The following ZNF362 variants were observed in gnomAD, a reference collection of about 807,000 sequenced individuals.
ZNF362 encodes the protein rotund homolog.
In ZNF362, 11 loss-of-function variants were observed where a neutral mutation model predicts 42.9. The observed-to-expected ratio is 0.26, with a 90% confidence interval of 0.16 to 0.42. The LOEUF (loss-of-function observed/expected upper bound fraction) is 0.42, where lower values mean the gene tolerates loss of function less well. ZNF362 is among the 20% of genes least tolerant of loss of function. ZNF362 has a pLI of 1.00. For missense variants in ZNF362, 362 were observed against 576.2 expected (o/e 0.63, Z 3.81); for synonymous variants, 255 against 257.3 (o/e 0.99, Z 0.09).
At chr1:33,209,838 T>A in the ZNF362 span, among the ~76,000 whole-genome samples, 7 of 152,148 alleles carry the variant, frequency 4.6e-5, no homozygotes, top group African/African-American at 1.4e-4. Flanking sequence ...GTCTTGCTAG[T>A]GGTCTATGAA....
the ZNF362 span, among the ~76,000 whole-genome samples, chr1:33,177,171 T>C: frequency 6.6e-6 from 1 of 152,170 alleles, no homozygotes; most frequent in Non-Finnish European, 1.5e-5. This position sits in a 1 kb window ranked among gnomAD's most constrained non-coding sequence, Gnocchi z 4.1. Context: ...TAAAAATCCT[T>C]AGAACTGTAT....
chr1:33,158,394 T>C, the ZNF362 span: 7 of 1,601,112 alleles, frequency 4.4e-6, 1 homozygote, highest in South Asian at 7.7e-5. Context: ...GAAAGGGGGC[T>C]GCACCAGGGA....
At position 33,276,580 on chromosome 1, in the gene ZNF362, C is replaced by T. The variant is rs1645949288; in HGVS notation, c.335C>T (p.Thr112Ile). Residue 112 changes from threonine (T) to isoleucine (I), a missense_variant, in exon 4 of 9, where the codon ACC becomes ATC. By Grantham distance (89) the Thr-to-Ile change is moderately conservative (BLOSUM62 -1). Coordinates refer to ENST00000539719, the MANE Select transcript of ZNF362 (RefSeq NM_152493.3). ...GTGGCGCTGCACGCACGGCCGGCCA[C>T]CAGCACCGTCACAGGTAGGCCGAGC... ...PDVALHARPA[T>I]STVTGLGLST... The T allele has an allele frequency of 7.3e-7, 1 of 1,370,998 alleles. No homozygotes were observed. The highest frequency in any genetic ancestry group is 9.4e-7 in the Non-Finnish European group (1 of 1,068,480). The allele number at this position is 1,370,998 out of a possible 1,614,324, so 84.9% of individuals were successfully genotyped here. A position where few individuals can be genotyped will look rare whatever the true frequency, so the allele number is the denominator to read the frequency against.
At chr1:33,165,267 T>C in the ZNF362 span, 2 of 490,524 alleles carry the variant, frequency 4.1e-6, no homozygotes, top group Non-Finnish European at 7.3e-6. The surrounding 1 kb of genome is among the most constrained non-coding windows in gnomAD (Gnocchi z 4.0). Flanking sequence ...CCGCCAGTCA[T>C]GATGGGGTGG....
At chr1:33,133,389 T>C in the ZNF362 span, among the ~76,000 whole-genome samples, 1 of 152,254 alleles carries the variant, frequency 6.6e-6, no homozygotes, top group Non-Finnish European at 1.5e-5. Flanking sequence ...CCTGGGTGTT[T>C]TGCACAATAA....
the ZNF362 span, among the ~76,000 whole-genome samples, chr1:33,193,507 A>C: frequency 9.2e-5 from 14 of 152,228 alleles, no homozygotes; most frequent in Non-Finnish European, 2.9e-5. Flanking sequence ...TAGGAAAGAA[A>C]GTCAGAAGAT....
the ZNF362 span, among the ~76,000 whole-genome samples, chr1:33,223,591 ATC>A: frequency 6.6e-6 from 1 of 152,184 alleles, no homozygotes; most frequent in Non-Finnish European, 1.5e-5. Context: ...TAGATTAGCC[ATC>A]ATAAAGACTG....
the ZNF362 span, among the ~76,000 whole-genome samples, chr1:33,129,657 T>G: frequency 0.2 from 31,077 of 152,190 alleles, 3,874 homozygotes; most frequent in South Asian, 0.31. This position sits in a 1 kb window ranked among gnomAD's most constrained non-coding sequence, Gnocchi z 4.1. Context: ...AACCTGCTCC[T>G]TCCCTTCTCG....
the ZNF362 span, chr1:33,176,434 C>CTG: frequency 1.4e-6 from 1 of 698,134 alleles, no homozygotes; most frequent in African/African-American, 1.7e-5. Context: ...GGCTGATCCA[C>CTG]TGCTGTCTTC....
the ZNF362 span, among the ~76,000 whole-genome samples, chr1:33,234,242 C>G: frequency 2.0e-5 from 3 of 152,160 alleles, no homozygotes; most frequent in African/African-American, 2.4e-5. Flanking sequence ...GTTACTTCAC[C>G]TCCCTCTATC....
At chr1:33,192,659 G>A in the ZNF362 span, among the ~76,000 whole-genome samples, 1 of 152,096 alleles carries the variant, frequency 6.6e-6, no homozygotes, top group Non-Finnish European at 1.5e-5. Flanking sequence ...AGGGAACCAG[G>A]GTATTTATAT....
chr1:33,229,684 C>T, the ZNF362 span, among the ~76,000 whole-genome samples: 9 of 152,022 alleles, frequency 5.9e-5, 1 homozygote, highest in Non-Finnish European at 1.0e-4. Flanking sequence ...GGATTACAGG[C>T]GTGAACCACC....
the ZNF362 span, among the ~76,000 whole-genome samples, chr1:33,242,901 C>A: frequency 6.6e-6 from 1 of 152,130 alleles, no homozygotes; most frequent in Non-Finnish European, 1.5e-5. Flanking sequence ...AAAAAACATT[C>A]ATACCAAAAC....
the ZNF362 span, among the ~76,000 whole-genome samples, chr1:33,220,943 G>A: frequency 6.6e-6 from 1 of 152,190 alleles, no homozygotes; most frequent in South Asian, 2.1e-4. Context: ...TTGATGCTCT[G>A]TGGGGAATGT....
At chr1:33,221,939 C>A in the ZNF362 span, among the ~76,000 whole-genome samples, 1 of 151,976 alleles carries the variant, frequency 6.6e-6, no homozygotes, top group East Asian at 1.9e-4. Flanking sequence ...TAAATCATCC[C>A]AGCAAAGAAG....
At chr1:33,165,932 A>G in the ZNF362 span, 2 of 167,482 alleles carry the variant, frequency 1.2e-5, no homozygotes, top group Non-Finnish European at 2.6e-5. The surrounding 1 kb of genome is among the most constrained non-coding windows in gnomAD (Gnocchi z 4.0). Flanking sequence ...ATTGGTCCAT[A>G]GCTTGTTAGG....
rs1288938348 is a variant in ZNF362 at position 33,300,564 on chromosome 1, G to T, written c.*1518G>T. ...GGCAGGTGCCCCTCAGACACTTCAG[G>T]AAGGTAGTTTGCATTCTATTTAAAA... On this transcript the variant is annotated 3_prime_UTR_variant, in exon 9 of 9. Coordinates refer to ENST00000539719, the MANE Select transcript of ZNF362 (RefSeq NM_152493.3). The T allele has an allele frequency of 6.6e-6, 1 of 152,108 alleles. No individual in the cohort carries two copies. The highest frequency in any genetic ancestry group is 1.5e-5 in the Non-Finnish European group (1 of 68,032). 9.4% of individuals were successfully genotyped at this position (152,108 alleles called of 1,614,324 possible). A position where few individuals can be genotyped will look rare whatever the true frequency, so the allele number is the denominator to read the frequency against.
chr1:33,144,562 C>T, the ZNF362 span, among the ~76,000 whole-genome samples: 2,516 of 152,304 alleles, frequency 0.017, 61 homozygotes, highest in African/African-American at 0.057. Context: ...TCTAAAGGGC[C>T]GCTGCTGGGC....
chr1:33,199,647 AAATCCCTTTAAAGAT>A, the ZNF362 span: 1 of 152,262 alleles, frequency 6.6e-6, no homozygotes, highest in Non-Finnish European at 1.5e-5. Flanking sequence ...AAAATTATTT[AAATCCCTTTAAAGAT>A]AATCAACAAT....
Sources: gnomAD v4.1 joint callset for allele counts (sites outside exome capture counted in the v4.1 genomes callset) on GRCh38, gnomAD v4.1.1 for gene constraint, Gnocchi (gnomAD v3.1) non-coding constraint, MANE v1.5 for transcripts, NCBI Gene and HGNC (gene_info 2026-07-23, HGNC 2026-07-21) for gene names.